FANCC: variants seen among roughly 807,000 people sequenced by gnomAD.
The protein encoded by FANCC is Fanconi anemia group C protein.
Under a neutral mutation model 71.3 loss-of-function variants are expected in FANCC, and 55 were observed. The observed-to-expected ratio is 0.77, with a 90% confidence interval of 0.62 to 0.97. The LOEUF (loss-of-function observed/expected upper bound fraction) is 0.97, where lower values mean the gene tolerates loss of function less well. FANCC is among the 50% of genes least tolerant of loss of function. The pLI, the probability that FANCC is intolerant of heterozygous loss-of-function variation, is 0.00. For missense variants in FANCC, 678 were observed against 670.9 expected, an observed-to-expected ratio of 1.01 and a Z score of -0.12; for synonymous variants, 275 against 244.9, an observed-to-expected ratio of 1.12 and a Z score of -1.15.
rs1384075368 is a variant in FANCC at position 95,293,284 on chromosome 9, CTT to C, written c.-79+24240_-79+24241del. The C allele has an allele frequency of 1.9e-6, 3 of 1,613,532 alleles. No individual in the cohort carries two copies. In the African/African-American group the frequency reaches 4.0e-5, roughly 22 times the overall value. ...TGATGCAGTTTTCTCTCATGCCTGT[CTT>C]TGTGCCTACAGCCGACTCCTCAGCC... is the stretch of plus-strand genomic sequence containing the variant. On this transcript the variant is annotated intron_variant, in intron 1 of 14. Coordinates refer to ENST00000289081, the MANE Select transcript of FANCC (RefSeq NM_000136.3).
chr9:95,134,827 G>T (rs751239434), intron 8 of FANCC, among the ~76,000 whole-genome samples: 5 of 152,242 alleles, frequency 3.3e-5, no homozygotes, highest in Non-Finnish European at 7.3e-5. Context: ...AGCGGGAAGG[G>T]AGCCAGGCGC....
intron 6 of FANCC, among the ~76,000 whole-genome samples, chr9:95,157,443 T>C (rs1211147333): frequency 6.6e-6 from 1 of 152,186 alleles, no homozygotes; most frequent in Non-Finnish European, 1.5e-5. Context: ...CTACAAACCA[T>C]CTAGAAGGAG....
intron 1 of FANCC, among the ~76,000 whole-genome samples, chr9:95,255,561 C>G (rs1831609668): frequency 6.6e-6 from 1 of 152,056 alleles, no homozygotes; most frequent in Admixed American, 6.5e-5. Context: ...CATCAAAGAC[C>G]AAAGGTAGAT....
At chr9:95,245,256 A>G (rs149072007) in intron 3 of FANCC, among the ~76,000 whole-genome samples, 213 of 152,284 alleles carry the variant, frequency 1.4e-3, no homozygotes, top group Non-Finnish European at 2.6e-3. Flanking sequence ...CTTCTGGTCA[A>G]GAAGCATCAA....
At chr9:95,110,371 A>C (rs2071819844) in intron 13 of FANCC, 1 of 1,022,576 alleles carries the variant, frequency 9.8e-7, no homozygotes, top group East Asian at 6.5e-5. Flanking sequence ...GGCTTTAAAA[A>C]CCATATGTGC....
intron 4 of FANCC, among the ~76,000 whole-genome samples, chr9:95,175,428 G>C (rs962939662): frequency 6.6e-6 from 1 of 152,230 alleles, no homozygotes; most frequent in Non-Finnish European, 1.5e-5. Flanking sequence ...GCTTAAGGTA[G>C]AGAGAAGGAT....
At chr9:95,105,833 C>T (rs1281879286) in intron 14 of FANCC, among the ~76,000 whole-genome samples, 1 of 152,226 alleles carries the variant, frequency 6.6e-6, no homozygotes, top group Non-Finnish European at 1.5e-5. Flanking sequence ...CTGAACAGTA[C>T]TCTCTTGTGG....
chr9:95,184,894 G>C (rs1397339478), intron 4 of FANCC, among the ~76,000 whole-genome samples: 2 of 152,192 alleles, frequency 1.3e-5, no homozygotes, highest in African/African-American at 4.8e-5. Flanking sequence ...AAGGTACCAA[G>C]TACAGTAAAG....
intron 4 of FANCC, among the ~76,000 whole-genome samples, chr9:95,174,743 G>GTAAC (rs1428577733): frequency 6.6e-6 from 1 of 152,156 alleles, no homozygotes; most frequent in African/African-American, 2.4e-5. Flanking sequence ...ATGTATGTAT[G>GTAAC]TAACTTCATA....
At chr9:95,242,479 C>CAAAAAAA (rs1162048314) in intron 3 of FANCC, among the ~76,000 whole-genome samples, 1 of 56,256 alleles carries the variant, frequency 1.8e-5, no homozygotes, top group South Asian at 5.5e-4. Flanking sequence ...CATTCACCAC[C>CAAAAAAA]AAAAAAAAAA....
At chr9:95,113,381 A>G (rs2072118386) in intron 12 of FANCC, among the ~76,000 whole-genome samples, 1 of 152,216 alleles carries the variant, frequency 6.6e-6, no homozygotes, top group Non-Finnish European at 1.5e-5. Context: ...GACAATGAAT[A>G]AAATTATACT....
At chr9:95,239,795 G>A (rs4647442) in intron 4 of FANCC, among the ~76,000 whole-genome samples, 33 of 152,226 alleles carry the variant, frequency 2.2e-4, no homozygotes, top group South Asian at 1.9e-3. Flanking sequence ...CAAAGAAATC[G>A]TAAAAAGCAG....
intron 3 of FANCC, among the ~76,000 whole-genome samples, chr9:95,243,250 A>G (rs970395910): frequency 2.6e-5 from 4 of 152,212 alleles, no homozygotes; most frequent in African/African-American, 9.6e-5. Flanking sequence ...GCAGAGTTAG[A>G]AGCAATGGAT....
At chr9:95,106,820 C>G (rs2071486456) in intron 14 of FANCC, among the ~76,000 whole-genome samples, 1 of 152,170 alleles carries the variant, frequency 6.6e-6, no homozygotes, top group African/African-American at 2.4e-5. Context: ...GCTTTGGCAG[C>G]AAGCCGTGGG....
At chr9:95,102,956 T>A (rs539213640) in intron 14 of FANCC, among the ~76,000 whole-genome samples, 12 of 152,310 alleles carry the variant, frequency 7.9e-5, no homozygotes, top group Admixed American at 7.8e-4. Flanking sequence ...GCTCCGGCTG[T>A]AGCCCAGGCA....
At chr9:95,199,555 G>C (rs906170062) in intron 4 of FANCC, among the ~76,000 whole-genome samples, 8 of 152,230 alleles carry the variant, frequency 5.3e-5, no homozygotes, top group Non-Finnish European at 8.8e-5. Flanking sequence ...GTCTAAGGAA[G>C]TACTGACTGA....
chr9:95,157,979 T>C (rs1199959912), intron 6 of FANCC, among the ~76,000 whole-genome samples: 2 of 152,190 alleles, frequency 1.3e-5, no homozygotes, highest in African/African-American at 4.8e-5. Flanking sequence ...CTGACTCTTC[T>C]CATTTCCTCT....
chr9:95,249,426 C>T (rs1225471562), intron 1 of FANCC, 57 bp from the exon 2 acceptor site: 8 of 841,104 alleles, frequency 9.5e-6, no homozygotes, highest in Middle Eastern at 2.2e-4. Context: ...TCAGTGCCTT[C>T]ACGACCCATT....
chr9:95,219,069 A>G lies in FANCC; in HGVS notation c.345+21580T>C, dbSNP rs182861771. Among the ~76,000 whole-genome samples, 35 of 152,298 alleles carry G rather than the reference A, an allele frequency of 2.3e-4. No individual in the cohort carries two copies. The East Asian group carries it at 6.6e-3, about 29-fold the overall frequency. ...GAAAAGTATGTCTGCGGGCTGCCCAAGGGACTGGTTCTTCATTGCCTGACT... is the reference window on the plus strand; with the variant it reads ...GAAAAGTATGTCTGCGGGCTGCCCAGGGGACTGGTTCTTCATTGCCTGACT... On this transcript the variant is annotated intron_variant, in intron 4 of 14. Coordinates refer to ENST00000289081, the MANE Select transcript of FANCC (RefSeq NM_000136.3).
Sources: gnomAD v4.1 joint callset for allele counts (sites outside exome capture counted in the v4.1 genomes callset) on GRCh38, gnomAD v4.1.1 for gene constraint, MANE v1.5 for transcripts, NCBI Gene and HGNC (gene_info 2026-07-23, HGNC 2026-07-21) for gene names.